ATP13A4: variants seen among roughly 807,000 people sequenced by gnomAD.
The protein encoded by ATP13A4 is ATPase 13A4.
Under a neutral mutation model 142.5 loss-of-function variants are expected in ATP13A4, and 114 were observed. The ratio of observed to expected loss-of-function variants is 0.80; its 90% confidence interval spans 0.69 to 0.93. The LOEUF (loss-of-function observed/expected upper bound fraction) is 0.93, where lower values mean the gene tolerates loss of function less well. Ranked by LOEUF, ATP13A4 falls within the 40% of genes least tolerant of loss-of-function variation. The probability of loss-of-function intolerance (pLI) is 0.00; values close to 1 mark genes in which losing one functional copy is unlikely to be tolerated. For missense variants in ATP13A4, 1,392 were observed against 1,454.0 expected, an observed-to-expected ratio of 0.96 and a Z score of 0.69; for synonymous variants, 488 against 514.8, an observed-to-expected ratio of 0.95 and a Z score of 0.70.
chr3:193,493,876 C>T (rs1720083271), intron 3 of ATP13A4, among the ~76,000 whole-genome samples: 1 of 151,978 alleles, frequency 6.6e-6, no homozygotes, highest in Non-Finnish European at 1.5e-5. Flanking sequence ...AAAGAGCCAA[C>T]TATATGCTAC....
intron 9 of ATP13A4, among the ~76,000 whole-genome samples, chr3:193,469,403 A>G (rs1327502199): frequency 6.6e-6 from 1 of 152,158 alleles, no homozygotes; most frequent in Non-Finnish European, 1.5e-5. Context: ...AGGAGGGTGG[A>G]TCACTTGAGG....
At chr3:193,440,166 T>A (rs1229055277) in intron 21 of ATP13A4, 4 of 227,920 alleles carry the variant, frequency 1.8e-5, no homozygotes, top group Non-Finnish European at 2.6e-5. Context: ...AATATCCCTA[T>A]ATCATCATTG....
intron 3 of ATP13A4, among the ~76,000 whole-genome samples, chr3:193,497,687 T>A (rs1021896031): frequency 2.6e-5 from 4 of 152,106 alleles, no homozygotes; most frequent in African/African-American, 9.7e-5. Flanking sequence ...AATGGATGAA[T>A]GGATAAAGAA....
intron 2 of ATP13A4, among the ~76,000 whole-genome samples, chr3:193,564,527 G>C (rs78147531): frequency 0.036 from 5,407 of 152,262 alleles, 109 homozygotes; most frequent in East Asian, 0.049. Flanking sequence ...GTGGAAACTG[G>C]TGCCTAGTAG....
upstream of ATP13A4, chr3:193,555,066 G>C (rs1400123784): frequency 4.1e-6 from 3 of 728,804 alleles, no homozygotes; most frequent in Admixed American, 3.1e-5. Flanking sequence ...TCTCAAAGGA[G>C]GCTGCTCCCA....
At chr3:193,456,969 T>C in intron 16 of ATP13A4, 31 bp downstream of exon 16, 1 of 1,594,918 alleles carries the variant, frequency 6.3e-7, no homozygotes, top group Non-Finnish European at 8.5e-7. Flanking sequence ...GATACAGATT[T>C]GCCAGGTGTA....
At chr3:193,455,066 T>C (rs982614813) in intron 16 of ATP13A4, among the ~76,000 whole-genome samples, 7 of 151,378 alleles carry the variant, frequency 4.6e-5, no homozygotes, top group Admixed American at 2.0e-4. Context: ...GGGCCGGGTG[T>C]GGTGGCTCAA....
chr3:193,492,895 T>C (rs1720020865), intron 5 of ATP13A4, 22 bp downstream of exon 5: 4 of 1,548,456 alleles, frequency 2.6e-6, no homozygotes, highest in Non-Finnish European at 3.6e-6. Flanking sequence ...TGAGCTAGTA[T>C]AGGCAATAAT....
intron 29 of ATP13A4, 92 bp from the exon 30 acceptor site, chr3:193,402,956 G>T: frequency 8.8e-7 from 1 of 1,136,994 alleles, no homozygotes; most frequent in Non-Finnish European, 1.3e-6. Flanking sequence ...CTACTGCAAT[G>T]GTTGCTTAGA....
In ATP13A4 at chr3:193,492,968, T is replaced by G; in HGVS notation, c.482A>C (p.Lys161Thr). The stretch of plus-strand genomic sequence containing the variant: ...GCCTGATCCAAATTTTTGATGTATC[T>G]TGGCAGAACTAAGCCAGTCTTCCAA... ...GSLEDWLSSAKIHQKFGSGLT... is the reference protein window; with the variant it reads ...GSLEDWLSSATIHQKFGSGLT... The change falls in exon 5 of 30, where the codon AAG (lysine) becomes ACG (threonine). Residue 161 changes from lysine (K) to threonine (T), a missense_variant. Physicochemically the swap from Lys to Thr is moderately conservative, Grantham distance 78. Coordinates refer to ENST00000342695, the MANE Select transcript of ATP13A4 (RefSeq NM_032279.4). 2 of 1,611,502 alleles carry G rather than the reference T, an allele frequency of 1.2e-6. No homozygotes were observed. The highest frequency in any genetic ancestry group is 8.5e-7 in the Non-Finnish European group (1 of 1,178,224).
rs1407054192 is a variant in ATP13A4, at chr3:193,403,851, T to C, written c.3379-987A>G. ...TGAAACTGTCCCACAGAATTAGAAC[T>C]GATTTTCATGTCTATCTTTGCTAAT... is the stretch of plus-strand genomic sequence containing the variant. On this transcript the variant is annotated intron_variant, in intron 29 of 29. Transcript: ENST00000342695. 6.1e-6 allele frequency: 6 copies of C among 985,228 alleles called. No individual in the cohort carries two copies. In the African/African-American group the frequency reaches 1.0e-4, roughly 17 times the overall value. The allele number at this position is 985,228 out of a possible 1,614,324, so 61.0% of individuals were successfully genotyped here. A position where few individuals can be genotyped will look rare whatever the true frequency, so the allele number is the denominator to read the frequency against.
At chr3:193,463,028 T>C (rs1449378646) in intron 12 of ATP13A4, among the ~76,000 whole-genome samples, 1 of 150,862 alleles carries the variant, frequency 6.6e-6, no homozygotes, top group Non-Finnish European at 1.5e-5. Context: ...GACTCCGTAG[T>C]GCAGATAAAT....
intron 3 of ATP13A4, among the ~76,000 whole-genome samples, chr3:193,494,973 T>C (rs1410215202): frequency 6.6e-6 from 1 of 151,996 alleles, no homozygotes; most frequent in Non-Finnish European, 1.5e-5. Context: ...TTATAAACAA[T>C]TATATGCCAA....
intron 17 of ATP13A4, among the ~76,000 whole-genome samples, chr3:193,450,554 G>T (rs967740560): frequency 6.6e-6 from 1 of 152,166 alleles, no homozygotes; most frequent in African/African-American, 2.4e-5. Context: ...TCATTTCTGG[G>T]TGGAGTGATT....
intron 8 of ATP13A4, among the ~76,000 whole-genome samples, chr3:193,474,990 C>T (rs1237953917): frequency 6.6e-6 from 1 of 151,974 alleles, no homozygotes; most frequent in Admixed American, 6.6e-5. Context: ...TGCAAAATTT[C>T]CAGCGCATTC....
chr3:193,475,914 G>A (rs1290366935), intron 8 of ATP13A4, among the ~76,000 whole-genome samples: 2 of 151,952 alleles, frequency 1.3e-5, no homozygotes, highest in Admixed American at 6.6e-5. Context: ...TCACTCTGAG[G>A]TTATTATATA....
At chr3:193,547,983 C>A (rs1294082755) in intron 1 of ATP13A4, among the ~76,000 whole-genome samples, 3 of 151,966 alleles carry the variant, frequency 2.0e-5, no homozygotes, top group Admixed American at 6.5e-5. Flanking sequence ...GGACTCCTGG[C>A]AAAAAGTAGA....
chr3:193,423,324 A>G lies in ATP13A4; in HGVS notation c.2843-8574T>C, dbSNP rs1715492602. On this transcript the variant is annotated intron_variant, in intron 25 of 29. Coordinates refer to ENST00000342695, the MANE Select transcript of ATP13A4 (RefSeq NM_032279.4). ...TATCGATTCTATTCAAACTATCCCTAAACATTGTAAAGGAGCAAATACTTC... is the reference window on the plus strand; with the variant it reads ...TATCGATTCTATTCAAACTATCCCTGAACATTGTAAAGGAGCAAATACTTC... Among the ~76,000 whole-genome samples the G allele has an allele frequency of 3.3e-5, 5 of 149,840 alleles. No individual in the cohort carries two copies. The South Asian group carries it at 1.0e-3, about 31-fold the overall frequency.
rs1330519332 is a variant in ATP13A4, at chr3:193,560,904, T to TA, written n.291+20802dup. 2.0e-5 allele frequency among the ~76,000 whole-genome samples: 3 copies of TA among 152,202 alleles called. No homozygotes were observed. In the East Asian group the frequency reaches 5.8e-4, roughly 29 times the overall value. On this transcript the variant is annotated intron_variant and non_coding_transcript_variant, in intron 2 of 3. Transcript: ENST00000489140. ...AGCAGAAATGTTCCCAACAAGCAGT[T>TA]AGAGTCCAGCCATGGGGCAGGTGAT...
Sources: gnomAD v4.1 joint callset for allele counts (sites outside exome capture counted in the v4.1 genomes callset) on GRCh38, gnomAD v4.1.1 for gene constraint, MANE v1.5 for transcripts, NCBI Gene and HGNC (gene_info 2026-07-23, HGNC 2026-07-21) for gene names.